XKR9: variants seen among roughly 807,000 people sequenced by gnomAD.
The protein encoded by XKR9 is XK-related protein 9.
In XKR9, 32 loss-of-function variants were observed where a neutral mutation model predicts 32.0. The ratio of observed to expected loss-of-function variants is 1.00; its 90% CI spans 0.76 to 1.34. The LOEUF is 1.34. XKR9 is among the 40% of genes most tolerant of loss of function. XKR9 has a pLI of 0.00. For synonymous variants in XKR9, 168 were observed against 143.4 expected, an observed-to-expected ratio of 1.17 and a Z score of -1.22; for missense variants, 546 against 429.7, an observed-to-expected ratio of 1.27 and a Z score of -2.39.
chr8:70,739,422 A>G (rs897417484), downstream of XKR9, among the ~76,000 whole-genome samples: 9 of 152,104 alleles, frequency 5.9e-5, no homozygotes, highest in African/African-American at 2.2e-4. Flanking sequence ...TCTTTATCCA[A>G]TTTGCCAGTC....
At chr8:70,856,684 C>T in the XKR9 span, among the ~76,000 whole-genome samples, 2 of 152,172 alleles carry the variant, frequency 1.3e-5, no homozygotes, top group Admixed American at 6.5e-5. Context: ...TTTTCAGCAC[C>T]ACACCACAAC....
intron 3 of XKR9, among the ~76,000 whole-genome samples, chr8:70,698,343 C>T (rs1430859757): frequency 7.9e-5 from 12 of 152,126 alleles, no homozygotes; most frequent in African/African-American, 2.7e-4. Flanking sequence ...TTTCCCTCTA[C>T]ACACTGCTTT....
At chr8:70,774,149 A>G (rs780215896) in intron 2 of XKR9, among the ~76,000 whole-genome samples, 6 of 152,184 alleles carry the variant, frequency 3.9e-5, no homozygotes, top group Admixed American at 6.6e-5. Flanking sequence ...AGTGTCTGTC[A>G]TATACACTTA....
intron 2 of XKR9, among the ~76,000 whole-genome samples, chr8:70,788,430 G>A (rs986112058): frequency 6.6e-6 from 1 of 152,042 alleles, no homozygotes; most frequent in Non-Finnish European, 1.5e-5. Context: ...TTGGGCAGGT[G>A]GGCCAGCAAA....
the XKR9 span, among the ~76,000 whole-genome samples, chr8:70,812,835 G>A: frequency 0.4 from 61,399 of 151,932 alleles, 13,939 homozygotes; most frequent in Non-Finnish European, 0.52. Context: ...CATGGATAGG[G>A]AGAATCAATA....
the XKR9 span, among the ~76,000 whole-genome samples, chr8:70,846,375 G>T: frequency 1.3e-5 from 2 of 151,940 alleles, no homozygotes; most frequent in East Asian, 3.9e-4. Context: ...AAAACACAAG[G>T]CTAGAGAAAA....
intron 2 of XKR9, among the ~76,000 whole-genome samples, chr8:70,787,765 G>A (rs531789221): frequency 2.0e-5 from 3 of 151,994 alleles, no homozygotes; most frequent in Admixed American, 6.6e-5. Context: ...GTTGCACTAG[G>A]TATCTACATG....
the XKR9 span, among the ~76,000 whole-genome samples, chr8:70,935,202 CATAT>C: frequency 1.4e-4 from 5 of 36,080 alleles, no homozygotes; most frequent in Non-Finnish European, 1.4e-4. Flanking sequence ...TATACATATA[CATAT>C]ATACACACAC....
chr8:70,951,019 G>A, the XKR9 span, among the ~76,000 whole-genome samples: 7 of 152,188 alleles, frequency 4.6e-5, no homozygotes, highest in East Asian at 1.9e-4. Flanking sequence ...CTCCGTAGAC[G>A]TCGGACTGTG....
the XKR9 span, among the ~76,000 whole-genome samples, chr8:71,059,997 G>A: frequency 6.6e-6 from 1 of 152,070 alleles, no homozygotes; most frequent in Admixed American, 6.5e-5. Context: ...TGTGCTTTGT[G>A]GTCTTAGGAA....
At chr8:70,695,932 T>C (rs1242860842) in intron 3 of XKR9, among the ~76,000 whole-genome samples, 4 of 151,982 alleles carry the variant, frequency 2.6e-5, no homozygotes, top group Non-Finnish European at 5.9e-5. Flanking sequence ...TGGCCAGTGA[T>C]GGTGAGCATT....
intron 4 of XKR9, among the ~76,000 whole-genome samples, chr8:70,715,406 G>T (rs1806055361): frequency 6.6e-6 from 1 of 152,156 alleles, no homozygotes. Flanking sequence ...AAAAATATGT[G>T]ACAAGGTGAA....
rs1194577974 is a variant in XKR9, at chr8:70,735,536, A to C, written c.*1112A>C. On this transcript the variant is annotated 3_prime_UTR_variant, in exon 5 of 5. Coordinates refer to ENST00000408926, the MANE Select transcript of XKR9 (RefSeq NM_001011720.2). ...GTGCAGGTTAGTTACATATGTATACATGTGCCATGCTGGTGTGCTGCACCC... is the reference window on the plus strand; with the variant it reads ...GTGCAGGTTAGTTACATATGTATACCTGTGCCATGCTGGTGTGCTGCACCC... 1.3e-5 allele frequency: 2 copies of C among 151,476 alleles called. No homozygotes were observed. Among genetic ancestry groups the C allele is most frequent in the African/African-American group, 4.9e-5 (2 of 41,218 alleles). The allele number at this position is 151,476 out of a possible 1,614,324, so 9.4% of individuals were successfully genotyped here.
the XKR9 span, among the ~76,000 whole-genome samples, chr8:70,973,335 T>C: frequency 1.3e-5 from 2 of 152,180 alleles, no homozygotes; most frequent in East Asian, 3.8e-4. Flanking sequence ...TTTGAGCTTA[T>C]TTGGATCCTC....
chr8:70,687,085 C>A (rs1005745940), intron 3 of XKR9, among the ~76,000 whole-genome samples: 1 of 122,810 alleles, frequency 8.1e-6, no homozygotes, highest in African/African-American at 2.6e-5. Context: ...CACCCATTAA[C>A]CATCCCACTT....
At chr8:70,957,015 C>A in the XKR9 span, among the ~76,000 whole-genome samples, 1 of 152,194 alleles carries the variant, frequency 6.6e-6, no homozygotes. Flanking sequence ...CCCATTGGTT[C>A]CAAGAAGTGT....
At chr8:70,847,231 C>T in the XKR9 span, among the ~76,000 whole-genome samples, 12 of 151,666 alleles carry the variant, frequency 7.9e-5, no homozygotes, top group Admixed American at 2.0e-4. Flanking sequence ...AATAACATGC[C>T]CCTGAATGAC....
chr8:70,806,682 C>G, the XKR9 span, among the ~76,000 whole-genome samples: 1 of 151,946 alleles, frequency 6.6e-6, no homozygotes, highest in South Asian at 2.1e-4. Flanking sequence ...TTGAAGACCA[C>G]CTTGCTGAAA....
At chr8:70,722,029 T>C (rs527489906) in intron 4 of XKR9, among the ~76,000 whole-genome samples, 71 of 152,318 alleles carry the variant, frequency 4.7e-4, no homozygotes, top group African/African-American at 1.6e-3. Flanking sequence ...TCTTGTTGCA[T>C]TGATCCCTTT....
Sources: gnomAD v4.1 joint callset for allele counts (sites outside exome capture counted in the v4.1 genomes callset) on GRCh38, gnomAD v4.1.1 for gene constraint, MANE v1.5 for transcripts, NCBI Gene and HGNC (gene_info 2026-07-23, HGNC 2026-07-21) for gene names.